Variants in KTN1 observed in about 807,000 individuals in gnomAD.
KTN1 encodes kinectin 1.
In KTN1, 130 loss-of-function variants were observed where a neutral mutation model predicts 222.5. The observed-to-expected ratio is 0.58, with a 90% confidence interval of 0.51 to 0.68. KTN1 has a LOEUF of 0.68. Among genes scored for constraint, KTN1 ranks in the 30% least tolerant of loss-of-function variants. The pLI is 0.00. For missense variants in KTN1, 1,508 were observed against 1,500.4 expected (o/e 1.01, Z -0.08); for synonymous variants, 512 against 496.3 (o/e 1.03, Z -0.42).
At chr14:55,627,295 A>G (rs909828212) in intron 5 of KTN1, among the ~76,000 whole-genome samples, 1 of 152,132 alleles carries the variant, frequency 6.6e-6, no homozygotes, top group African/African-American at 2.4e-5. Flanking sequence ...AGGATACACA[A>G]CATTAAAGAG....
intron 2 of KTN1, among the ~76,000 whole-genome samples, chr14:55,616,072 T>C (rs1371776349): frequency 6.6e-6 from 1 of 150,514 alleles, no homozygotes; most frequent in African/African-American, 2.4e-5. Flanking sequence ...CCACCACACC[T>C]GGCTAATTTT....
Position 55,640,423 on chromosome 14 carries a change from A to G in KTN1, c.1964A>G (p.Gln655Arg), listed in dbSNP as rs142184556. The change falls in exon 15 of 44, where the codon CAG becomes CGG. Residue 655 changes from glutamine to arginine, a missense_variant. Coordinates refer to ENST00000395314, the MANE Select transcript of KTN1 (RefSeq NM_001079521.2). ...TTAAAAGCTGAAGTGCAGAAATTAC[A>G]GGCCCTGGCAAATGAGCAGGTAGAT... Reference protein sequence around the residue: ...FLLKAEVQKLQALANEQAAAA... With the variant: ...FLLKAEVQKLRALANEQAAAA... The G allele has an allele frequency of 3.8e-4, 613 of 1,607,388 alleles. 4 individuals carry two copies. In the African/African-American group the frequency reaches 7.1e-3, roughly 19 times the overall value.
intron 3 of KTN1, among the ~76,000 whole-genome samples, chr14:55,617,732 T>C (rs1417990233): frequency 6.6e-6 from 1 of 152,226 alleles, no homozygotes; most frequent in African/African-American, 2.4e-5. Context: ...AGATATGCTA[T>C]ACACTTTTAG....
intron 35 of KTN1, chr14:55,671,187 T>G (rs1483212116): frequency 1.2e-5 from 3 of 246,708 alleles, no homozygotes; most frequent in African/African-American, 2.3e-5. Context: ...CTGGATTGGT[T>G]TTTATCCTTG....
At chr14:55,587,059 G>A (rs2033160735) in intron 1 of KTN1, among the ~76,000 whole-genome samples, 1 of 151,916 alleles carries the variant, frequency 6.6e-6, no homozygotes, top group African/African-American at 2.4e-5. Flanking sequence ...TTTCTTTCTT[G>A]GTATCTGCCT....
intron 18 of KTN1, among the ~76,000 whole-genome samples, chr14:55,646,431 CTTTCCTTTCCT>C (rs1475660626): frequency 4.3e-5 from 5 of 117,300 alleles, no homozygotes; most frequent in African/African-American, 1.7e-4. Context: ...TCTTTCCTTC[CTTTCCTTTCCT>C]TTTCCTTTTC....
chr14:55,620,831 G>A (rs2039040855), intron 5 of KTN1, among the ~76,000 whole-genome samples: 1 of 152,116 alleles, frequency 6.6e-6, no homozygotes, highest in African/African-American at 2.4e-5. Context: ...CATTGTTTTG[G>A]TGATTTACAT....
intron 1 of KTN1, among the ~76,000 whole-genome samples, chr14:55,596,490 A>G (rs745732654): frequency 6.6e-6 from 1 of 152,188 alleles, no homozygotes; most frequent in Non-Finnish European, 1.5e-5. Context: ...AAGGATGACC[A>G]TAGGATAGGA....
chr14:55,644,330 C>T (rs1190498174), intron 18 of KTN1: 1 of 700,040 alleles, frequency 1.4e-6, no homozygotes, highest in Non-Finnish European at 2.6e-6. Context: ...AGTCCTTTTA[C>T]CCCATGGATT....
intron 1 of KTN1, among the ~76,000 whole-genome samples, chr14:55,581,100 T>G (rs1394264910): frequency 6.6e-6 from 1 of 152,188 alleles, no homozygotes; most frequent in African/African-American, 2.4e-5. Context: ...AAAAGTGAGA[T>G]TTTTGGCCTT....
At chr14:55,587,252 G>T (rs1010897582) in intron 1 of KTN1, among the ~76,000 whole-genome samples, 2 of 152,136 alleles carry the variant, frequency 1.3e-5, no homozygotes, top group South Asian at 4.1e-4. Flanking sequence ...TAACTGAGTG[G>T]TATTTGGTAT....
At chr14:55,595,089 C>T (rs1173638369) in intron 1 of KTN1, among the ~76,000 whole-genome samples, 1 of 152,092 alleles carries the variant, frequency 6.6e-6, no homozygotes, top group Non-Finnish European at 1.5e-5. Flanking sequence ...GCTGGAAGCT[C>T]ATTGACTTTC....
At position 55,667,249 on chromosome 14, in the gene KTN1, G is replaced by T; in HGVS notation, c.3186G>T (p.Gln1062His). The T allele has an allele frequency of 6.3e-7, 1 of 1,594,618 alleles. No individual in the cohort carries two copies. The change falls in exon 34 of 44, where the codon CAG (glutamine) becomes CAT (histidine). Residue 1062 changes from glutamine to histidine, a missense_variant. Coordinates refer to ENST00000395314, the MANE Select transcript of KTN1 (RefSeq NM_001079521.2). ...CTCATCTTCTGCTTTAGGAAAGGCA[G>T]CAACAGGTGGAAGCTGTTGAGTTGG... ...DKVNKTSKER[Q>H]QQVEAVELEA...
Position 55,636,488 on chromosome 14 carries a change from C to G in KTN1, c.1501C>G (p.Gln501Glu), listed in dbSNP as rs770189058. The G allele has an allele frequency of 6.2e-7, 1 of 1,611,234 alleles. No homozygotes were observed. The highest frequency in any genetic ancestry group is 1.1e-5 in the South Asian group (1 of 90,440). Residue 501 changes from glutamine to glutamate, a missense_variant, in exon 10 of 44, where the codon CAG becomes GAG. Transcript: ENST00000395314. ...AGCTGAGAGAAGGTGGGAAGAAGTT[C>G]AGAGCTACATCAGGAAGAGAACAGC... is the stretch of plus-strand genomic sequence containing the variant. ...QEAERRWEEV[Q>E]SYIRKRTAEH...
chr14:55,672,993 A>G lies in KTN1; in HGVS notation c.3668A>G (p.Tyr1223Cys), dbSNP rs1566848857. The G allele has an allele frequency of 3.7e-6, 6 of 1,612,114 alleles. No individual in the cohort carries two copies. Among genetic ancestry groups the G allele is most frequent in the South Asian group, 1.1e-5 (1 of 91,030 alleles). Reference sequence around the variant, plus strand: ...AAGGCAGAGATGGAACGATCTACCTATGTTACAGAAGTCAGAGAGGTACTT... The same window carrying G: ...AAGGCAGAGATGGAACGATCTACCTGTGTTACAGAAGTCAGAGAGGTACTT... ...LEKAEMERST[Y>C]VTEVRELKDL... The change falls in exon 39 of 44, where the codon TAT (tyrosine) becomes TGT (cysteine). Residue 1223 changes from tyrosine to cysteine, a missense_variant. Physicochemically the swap from Tyr to Cys is radical, Grantham distance 194. Coordinates refer to ENST00000395314, the MANE Select transcript of KTN1 (RefSeq NM_001079521.2).
rs772329849 is a variant in KTN1 at position 55,616,591 on chromosome 14, A to C, written c.598A>C (p.Thr200Pro). Residue 200 changes from threonine to proline, a missense_variant, in exon 3 of 44, where the codon ACT (threonine) becomes CCT (proline). Thr to Pro is a conservative substitution (Grantham distance 38). Coordinates refer to ENST00000395314, the MANE Select transcript of KTN1 (RefSeq NM_001079521.2). ...RQEALPLHQE[T>P]KQESGSGKKK... ...AGAAGCATTGCCCCTCCACCAAGAG[A>C]CTAAACAAGAAAGTGGATCAGGGAA... 6.2e-7 allele frequency: 1 copy of C among 1,608,632 alleles called. No individual in the cohort carries two copies. The highest frequency in any genetic ancestry group is 1.7e-5 in the Admixed American group (1 of 58,144).
Position 55,639,168 on chromosome 14 carries a change from C to A in KTN1, c.1786-17C>A, listed in dbSNP as rs753532916. ...TCTCTTAAATACTTTTATGTTGACA[C>A]TATTTTTCTTTCTTAGACCTCCGCT... is the stretch of plus-strand genomic sequence containing the variant. On this transcript the variant is annotated splice_polypyrimidine_tract_variant and intron_variant, in intron 12 of 43. Coordinates refer to ENST00000395314, the MANE Select transcript of KTN1 (RefSeq NM_001079521.2). 4 of 1,569,622 alleles carry A rather than the reference C, an allele frequency of 2.5e-6. No individual in the cohort carries two copies. The South Asian group carries it at 4.4e-5, about 17-fold the overall frequency.
At chr14:55,661,452 ATAGG>A in intron 31 of KTN1, 66 bp from the exon 32 acceptor site, 1 of 773,000 alleles carries the variant, frequency 1.3e-6, no homozygotes, top group Non-Finnish European at 2.3e-6. Flanking sequence ...GCAAATGTTG[ATAGG>A]TAGGGATCTA....
At chr14:55,674,373 T>C (rs1462243396) in intron 40 of KTN1, 1 of 152,124 alleles carries the variant, frequency 6.6e-6, no homozygotes, top group South Asian at 2.1e-4. Context: ...TGTCAGTGCT[T>C]AAAAAGTTTA....
Sources: gnomAD v4.1 joint callset for allele counts (sites outside exome capture counted in the v4.1 genomes callset) on GRCh38, gnomAD v4.1.1 for gene constraint, MANE v1.5 for transcripts, NCBI Gene and HGNC (gene_info 2026-07-23, HGNC 2026-07-21) for gene names.